BNC2: variants seen among roughly 807,000 people sequenced by gnomAD.
BNC2 encodes the protein basonuclin zinc finger protein 2.
Under a neutral mutation model 76.3 loss-of-function variants are expected in BNC2, and 20 were observed. The observed-to-expected ratio is 0.26, with a 90% confidence interval of 0.18 to 0.38. The LOEUF is 0.38. Ranked by LOEUF, BNC2 falls within the 10% of genes least tolerant of loss-of-function variation. BNC2 has a pLI of 1.00. For missense variants in BNC2, 1,382 were observed against 1,399.8 expected, an observed-to-expected ratio of 0.99 and a Z score of 0.20; for synonymous variants, 582 against 514.8, an observed-to-expected ratio of 1.13 and a Z score of -1.77.
intron 3 of BNC2, among the ~76,000 whole-genome samples, chr9:16,721,898 T>C (rs1824168135): frequency 6.6e-6 from 1 of 150,644 alleles, no homozygotes; most frequent in South Asian, 2.1e-4. Flanking sequence ...CCAATTTCTT[T>C]TCCTCTTTCC....
chr9:16,483,271 T>G (rs140940267), intron 5 of BNC2, among the ~76,000 whole-genome samples: 197 of 152,364 alleles, frequency 1.3e-3, no homozygotes, highest in African/African-American at 4.5e-3. Context: ...GCTTCTGTCC[T>G]GATACAAGCA....
chr9:16,501,689 C>T (rs1243127292), intron 5 of BNC2, among the ~76,000 whole-genome samples: 1 of 152,014 alleles, frequency 6.6e-6, no homozygotes, highest in Non-Finnish European at 1.5e-5. Flanking sequence ...AAATAAGGGC[C>T]CTAAAAACTC....
intron 1 of BNC2, among the ~76,000 whole-genome samples, chr9:16,866,278 G>GT (rs1428320962): frequency 1.3e-5 from 2 of 151,950 alleles, no homozygotes; most frequent in Admixed American, 1.3e-4. Flanking sequence ...TTTATAAATA[G>GT]TTTAACATTT....
At chr9:16,817,943 T>C (rs1474560473) in intron 1 of BNC2, among the ~76,000 whole-genome samples, 7 of 152,186 alleles carry the variant, frequency 4.6e-5, no homozygotes, top group Admixed American at 4.6e-4. Flanking sequence ...ATTCATTTGA[T>C]GCAAGCATGG....
In BNC2 at chr9:16,418,849, T is replaced by C. The variant is rs1380295449; in HGVS notation, c.*140A>G. ...TCTCAAGGAAATACGTGTGTGTATA[T>C]GTAGCCACAGAGCATACATAAATGC... On this transcript the variant is annotated 3_prime_UTR_variant, in exon 7 of 7. Transcript: ENST00000380672. 2.2e-6 allele frequency: 2 copies of C among 925,020 alleles called. No homozygotes were observed. Among genetic ancestry groups the C allele is most frequent in the Non-Finnish European group, 1.7e-6 (1 of 595,840 alleles). The allele number at this position is 925,020 out of a possible 1,614,324, so 57.3% of individuals were successfully genotyped here.
At chr9:16,432,266 T>A (rs773060916) in intron 6 of BNC2, among the ~76,000 whole-genome samples, 19 of 152,206 alleles carry the variant, frequency 1.2e-4, no homozygotes, top group Non-Finnish European at 1.6e-4. Context: ...AAATCTTGCA[T>A]GTGTCTCTCC....
At chr9:16,830,752 A>C (rs1408967225) in intron 1 of BNC2, among the ~76,000 whole-genome samples, 1 of 152,264 alleles carries the variant, frequency 6.6e-6, no homozygotes, top group Admixed American at 6.5e-5. Flanking sequence ...GGGAAACAGA[A>C]AAAAGAAAAA....
chr9:16,630,517 A>G (rs1671627326), intron 3 of BNC2, among the ~76,000 whole-genome samples: 1 of 152,104 alleles, frequency 6.6e-6, no homozygotes, highest in African/African-American at 2.4e-5. Context: ...AATGATTAAC[A>G]CCTGTGTGGA....
At chr9:16,771,873 T>A (rs765391753) in intron 1 of BNC2, among the ~76,000 whole-genome samples, 2 of 152,278 alleles carry the variant, frequency 1.3e-5, no homozygotes, top group East Asian at 3.9e-4. Context: ...ATTTCCAACA[T>A]TGAAATATTT....
Position 16,571,787 on chromosome 9 carries a change from C to T in BNC2, c.433+11196G>A, listed in dbSNP as rs181977921. On this transcript the variant is annotated intron_variant, in intron 4 of 6. Transcript: ENST00000380672. ...CCTGTTTTTGTCTCCTCTGATCCTA[C>T]GACAGGTTTTCCGCTGACAAGGTTT... 2.7e-3 allele frequency among the ~76,000 whole-genome samples: 417 copies of T among 152,212 alleles called. 1 individual carries two copies. Among genetic ancestry groups the T allele is most frequent in the Non-Finnish European group, 4.1e-3 (278 of 68,028 alleles).
At chr9:16,800,972 G>A (rs1160105100) in intron 1 of BNC2, among the ~76,000 whole-genome samples, 1 of 152,052 alleles carries the variant, frequency 6.6e-6, no homozygotes, top group Non-Finnish European at 1.5e-5. Flanking sequence ...TGTTGCTAAT[G>A]TTTTTTCATT....
intron 1 of BNC2, among the ~76,000 whole-genome samples, chr9:16,785,604 G>C (rs1394595404): frequency 7.0e-6 from 1 of 143,794 alleles, no homozygotes; most frequent in Non-Finnish European, 1.5e-5. Context: ...CACCATGTTG[G>C]CCAGGCTGGT....
At chr9:16,562,615 A>C (rs2132700461) in intron 4 of BNC2, among the ~76,000 whole-genome samples, 1 of 152,380 alleles carries the variant, frequency 6.6e-6, no homozygotes, top group African/African-American at 2.4e-5. Flanking sequence ...AATTAACAGA[A>C]TAAATTATAA....
intron 6 of BNC2, among the ~76,000 whole-genome samples, chr9:16,424,100 C>T (rs538825475): frequency 2.6e-5 from 4 of 152,042 alleles, no homozygotes; most frequent in South Asian, 2.1e-4. Context: ...AGTGCAAATG[C>T]CCTTTAGAGA....
At chr9:16,501,669 T>G (rs1822522129) in intron 5 of BNC2, among the ~76,000 whole-genome samples, 1 of 152,134 alleles carries the variant, frequency 6.6e-6, no homozygotes, top group Non-Finnish European at 1.5e-5. Context: ...ATAGAAAATC[T>G]AAGAAGCATA....
intron 5 of BNC2, among the ~76,000 whole-genome samples, chr9:16,518,564 T>TCA (rs1817509252): frequency 8.3e-5 from 12 of 144,786 alleles, no homozygotes; most frequent in Admixed American, 2.7e-4. Context: ...GGTGCAAAAG[T>TCA]CATATATATA....
rs764745363 is a variant in BNC2, at chr9:16,870,633, G to A, written c.3+13C>T. The stretch of plus-strand genomic sequence containing the variant: ...TCTAGAATAAAAGAGGAAGGAGGGT[G>A]GAAACTTCTTACCATCTCGGCATGC... On this transcript the variant is annotated intron_variant, in intron 1 of 6. Transcript: ENST00000380672. 6 of 1,610,808 alleles carry A rather than the reference G, an allele frequency of 3.7e-6. No homozygotes were observed. The highest frequency in any genetic ancestry group is 1.7e-5 in the Admixed American group (1 of 59,840).
intron 3 of BNC2, among the ~76,000 whole-genome samples, chr9:16,711,070 G>C (rs192697413): frequency 8.4e-4 from 128 of 151,700 alleles, no homozygotes; most frequent in Admixed American, 6.1e-3. Flanking sequence ...TTAGTGCTAC[G>C]TGACACGATT....
chr9:16,481,510 C>T (rs1458955149), intron 5 of BNC2, among the ~76,000 whole-genome samples: 1 of 152,126 alleles, frequency 6.6e-6, no homozygotes, highest in Non-Finnish European at 1.5e-5. Flanking sequence ...ATCCGAACAT[C>T]AGAAAGAACT....
Sources: allele counts gnomAD v4.1 joint callset (sites outside exome capture counted in the v4.1 genomes callset), GRCh38; gene constraint gnomAD v4.1.1; transcripts MANE v1.5; gene names NCBI Gene and HGNC (gene_info 2026-07-23, HGNC 2026-07-21).